The following CLVS1 variants were observed in gnomAD, a reference collection of about 807,000 sequenced individuals.
CLVS1 encodes clavesin 1.
In CLVS1, 10 loss-of-function variants were observed where a neutral mutation model predicts 33.1. That is an observed-to-expected ratio of 0.30 (90% CI 0.19 to 0.51). The LOEUF (loss-of-function observed/expected upper bound fraction) is 0.51. CLVS1 is among the 20% of genes least tolerant of loss of function. The pLI, the probability that CLVS1 is intolerant of heterozygous loss-of-function variation, is 0.97. For missense variants in CLVS1, 343 were observed against 433.4 expected (o/e 0.79, Z 1.85); for synonymous variants, 163 against 166.1 (o/e 0.98, Z 0.14).
chr8:61,191,449 C>G (rs1404184879), intron 2 of CLVS1, among the ~76,000 whole-genome samples: 3 of 152,178 alleles, frequency 2.0e-5, no homozygotes, highest in Non-Finnish European at 2.9e-5. Context: ...GAAGCATTCC[C>G]TTTGAAAACT....
intron 1 of CLVS1, among the ~76,000 whole-genome samples, chr8:61,063,326 G>C (rs368680072): frequency 3.4e-5 from 5 of 145,714 alleles, no homozygotes; most frequent in Admixed American, 6.9e-5. Context: ...CATTTTCCTG[G>C]TGGGGGGTGA....
chr8:61,060,801 G>A (rs534788141), intron 1 of CLVS1, among the ~76,000 whole-genome samples: 4 of 152,160 alleles, frequency 2.6e-5, no homozygotes, highest in South Asian at 2.1e-4. Context: ...GTTAACAAAC[G>A]TGCCCGAGGC....
At chr8:61,338,990 G>A (rs1563503539) in intron 2 of CLVS1, among the ~76,000 whole-genome samples, 1 of 137,978 alleles carries the variant, frequency 7.2e-6, no homozygotes. Flanking sequence ...GTGTGTGTGT[G>A]TGTATGCATG....
At chr8:61,270,103 G>A (rs1285563232) in intron 2 of CLVS1, among the ~76,000 whole-genome samples, 1 of 152,142 alleles carries the variant, frequency 6.6e-6, no homozygotes, top group Admixed American at 6.5e-5. Context: ...GTTTTCAAAG[G>A]CAATGCTTCC....
chr8:61,209,388 C>G (rs1022920035), intron 2 of CLVS1, among the ~76,000 whole-genome samples: 6 of 152,170 alleles, frequency 3.9e-5, no homozygotes, highest in African/African-American at 1.4e-4. Flanking sequence ...TTTTGCACAA[C>G]TACAAAAAGA....
intron 2 of CLVS1, chr8:61,202,258 T>C (rs998881130): frequency 1.8e-6 from 1 of 555,062 alleles, no homozygotes; most frequent in Non-Finnish European, 3.3e-6. Context: ...GAATGTCCCC[T>C]GGTGTGATTC....
chr8:61,076,770 C>T (rs1276975816), intron 1 of CLVS1, among the ~76,000 whole-genome samples: 1 of 152,210 alleles, frequency 6.6e-6, no homozygotes, highest in Non-Finnish European at 1.5e-5. Flanking sequence ...ATCTCTGCAG[C>T]TCCTGCTGCA....
In CLVS1 at chr8:61,142,253, G is replaced by A. The variant is rs565605371; in HGVS notation, c.-152+10393G>A. Among the ~76,000 whole-genome samples the A allele has an allele frequency of 6.2e-4, 94 of 152,226 alleles. 1 individual carries two copies. The highest frequency in any genetic ancestry group is 2.2e-3 in the African/African-American group (92 of 41,532). Reference sequence around the variant, plus strand: ...ATGAGCTCTAATGGTTTAAAATGTGGCACATTCCCTCTCTGTCTCTTTCTT... The same window carrying A: ...ATGAGCTCTAATGGTTTAAAATGTGACACATTCCCTCTCTGTCTCTTTCTT... On this transcript the variant is annotated intron_variant, in intron 2 of 2. Coordinates refer to the CLVS1 transcript ENST00000522621.
chr8:61,149,551 C>CAAAAAAAAAAAAAAAAAAAAAAAAAAAA (rs1166606940), intron 2 of CLVS1, among the ~76,000 whole-genome samples: 15 of 51,984 alleles, frequency 2.9e-4, no homozygotes, highest in East Asian at 4.4e-4. Context: ...GACTCTGTCT[C>CAAAAAAAAAAAAAAAAAAAAAAAAAAAA]AAAAAAAAAA....
the CLVS1 span, among the ~76,000 whole-genome samples, chr8:60,981,485 G>T: frequency 1.2e-4 from 19 of 152,348 alleles, no homozygotes; most frequent in African/African-American, 4.3e-4. Flanking sequence ...GTGGCCTGCA[G>T]GAAGAAACGT....
intron 2 of CLVS1, among the ~76,000 whole-genome samples, chr8:61,308,131 A>AGAAGTGGGTTTCTTGG (rs1810697665): frequency 6.6e-6 from 1 of 152,046 alleles, no homozygotes; most frequent in South Asian, 2.1e-4. Context: ...ACATATATAG[A>AGAAGTGGGTTTCTTGG]CTCTTCAGCT....
intron 3 of CLVS1, among the ~76,000 whole-genome samples, chr8:61,419,395 T>TTAAAAAAAAAAAAAAA (rs1815565809): frequency 1.3e-5 from 1 of 75,822 alleles, no homozygotes; most frequent in African/African-American, 1.6e-4. Context: ...AGACTCCGTC[T>TTAAAAAAAAAAAAAAA]CAAAAAAAAA....
At chr8:61,284,820 C>A (rs1809743257), upstream of CLVS1, among the ~76,000 whole-genome samples, 1 of 152,070 alleles carries the variant, frequency 6.6e-6, no homozygotes, top group Non-Finnish European at 1.5e-5. Context: ...ACCTTCATGT[C>A]TACTTAAAAT....
intron 3 of CLVS1, among the ~76,000 whole-genome samples, chr8:61,425,603 C>T (rs1223405188): frequency 6.6e-6 from 1 of 152,114 alleles, no homozygotes; most frequent in African/African-American, 2.4e-5. Context: ...TTAGCAGTCA[C>T]CCCCAGTACT....
chr8:61,265,616 C>A (rs529688858), intron 2 of CLVS1, among the ~76,000 whole-genome samples: 1 of 152,242 alleles, frequency 6.6e-6, no homozygotes, highest in East Asian at 1.9e-4. Context: ...CCAAAATATA[C>A]TCTAAATTTG....
chr8:60,974,292 C>G, the CLVS1 span, among the ~76,000 whole-genome samples: 2 of 152,196 alleles, frequency 1.3e-5, no homozygotes, highest in Non-Finnish European at 2.9e-5. Context: ...GTTTGTGAAG[C>G]CCTGGTGGAG....
In CLVS1 at chr8:61,300,123, A is replaced by G. The variant is rs1273578093; in HGVS notation, c.296A>G (p.Gln99Arg). The G allele has an allele frequency of 1.9e-6, 3 of 1,614,016 alleles. No individual in the cohort carries two copies. Among genetic ancestry groups the G allele is most frequent in the Non-Finnish European group, 2.5e-6 (3 of 1,179,962 alleles). The change falls in exon 2 of 6, where the codon CAG (glutamine) becomes CGG (arginine). Residue 99 changes from glutamine to arginine, a missense_variant. Physicochemically the swap from Gln to Arg is conservative, Grantham distance 43 (BLOSUM62 1). Transcript: ENST00000325897. Reference protein sequence around the residue: ...DAFRLLAQYFQYRQLNLDMFK... With the variant: ...DAFRLLAQYFRYRQLNLDMFK... ...TTTAGACTCCTGGCTCAGTATTTCCAGTACCGCCAGCTAAACCTGGACATG... is the reference window on the plus strand; with the variant it reads ...TTTAGACTCCTGGCTCAGTATTTCCGGTACCGCCAGCTAAACCTGGACATG...
chr8:61,386,619 G>A (rs1814096004), intron 3 of CLVS1, among the ~76,000 whole-genome samples: 2 of 151,938 alleles, frequency 1.3e-5, no homozygotes, highest in African/African-American at 4.8e-5. Context: ...GCAGTCTAGT[G>A]TTCATGATAT....
the CLVS1 span, among the ~76,000 whole-genome samples, chr8:61,026,483 A>G: frequency 4.6e-5 from 7 of 152,214 alleles, no homozygotes; most frequent in African/African-American, 1.7e-4. Flanking sequence ...TGATATTCCA[A>G]AATAACTTCC....
Sources: gnomAD v4.1 joint callset for allele counts (sites outside exome capture counted in the v4.1 genomes callset) on GRCh38, gnomAD v4.1.1 for gene constraint, MANE v1.5 for transcripts, NCBI Gene and HGNC (gene_info 2026-07-23, HGNC 2026-07-21) for gene names.